Variants in SERGEF observed in about 807,000 individuals in gnomAD.
The protein encoded by SERGEF is secretion-regulating guanine nucleotide exchange factor.
Under a neutral mutation model 50.0 loss-of-function variants are expected in SERGEF, and 51 were observed. The ratio of observed to expected loss-of-function variants is 1.02; its 90% CI spans 0.81 to 1.29. SERGEF has a LOEUF of 1.29. SERGEF is among the 50% of genes most tolerant of loss of function. The pLI, the probability that SERGEF is intolerant of heterozygous loss-of-function variation, is 0.00. For synonymous variants in SERGEF, 205 were observed against 212.4 expected, an observed-to-expected ratio of 0.97 and a Z score of 0.30; for missense variants, 521 against 557.0, an observed-to-expected ratio of 0.94 and a Z score of 0.65.
At chr11:17,797,290 C>T (rs1307185404) in intron 10 of SERGEF, among the ~76,000 whole-genome samples, 1 of 152,230 alleles carries the variant, frequency 6.6e-6, no homozygotes, top group Non-Finnish European at 1.5e-5. Flanking sequence ...CCAGCTCCTT[C>T]TCTAACATCA....
chr11:17,827,974 G>A (rs545874893), intron 10 of SERGEF, among the ~76,000 whole-genome samples: 1 of 152,346 alleles, frequency 6.6e-6, no homozygotes, highest in African/African-American at 2.4e-5. Context: ...GACAAGCCTT[G>A]AGTGAAAAAG....
At chr11:17,917,398 G>C (rs1852069241) in intron 9 of SERGEF, among the ~76,000 whole-genome samples, 1 of 152,174 alleles carries the variant, frequency 6.6e-6, no homozygotes, top group Admixed American at 6.5e-5. Flanking sequence ...TGACACAATA[G>C]ACTTCAATGA....
intron 10 of SERGEF, among the ~76,000 whole-genome samples, chr11:17,789,904 G>C (rs1849451984): frequency 6.6e-6 from 1 of 152,202 alleles, no homozygotes; most frequent in South Asian, 2.1e-4. Context: ...AGAACCACCT[G>C]AACCTAGGAG....
At chr11:17,810,194 T>G (rs1849842172) in intron 10 of SERGEF, among the ~76,000 whole-genome samples, 1 of 152,178 alleles carries the variant, frequency 6.6e-6, no homozygotes, top group African/African-American at 2.4e-5. Context: ...CCCTGAGGAT[T>G]AGGGCCCTCA....
chr11:17,854,299 C>G (rs1321143949), intron 10 of SERGEF, among the ~76,000 whole-genome samples: 1 of 152,162 alleles, frequency 6.6e-6, no homozygotes, highest in African/African-American at 2.4e-5. Context: ...AACCTTCTAC[C>G]AAGTAGTCCT....
At chr11:17,793,269 A>T (rs1385615179) in intron 10 of SERGEF, among the ~76,000 whole-genome samples, 1 of 152,230 alleles carries the variant, frequency 6.6e-6, no homozygotes, top group Non-Finnish European at 1.5e-5. Flanking sequence ...AAGTAGAATG[A>T]TAGGAAGTTT....
At chr11:17,907,414 G>A (rs1008203005) in intron 9 of SERGEF, among the ~76,000 whole-genome samples, 3 of 152,120 alleles carry the variant, frequency 2.0e-5, no homozygotes, top group Middle Eastern at 3.2e-3. Flanking sequence ...TACCATGGAG[G>A]GGTCAGTTCT....
At chr11:17,860,272 A>G (rs994841314) in intron 10 of SERGEF, among the ~76,000 whole-genome samples, 18 of 152,220 alleles carry the variant, frequency 1.2e-4, no homozygotes, top group Admixed American at 9.8e-4. Context: ...AACTCCAGGA[A>G]AAGAAAAGTA....
intron 9 of SERGEF, among the ~76,000 whole-genome samples, chr11:17,891,252 T>A (rs192583856): frequency 2.7e-3 from 415 of 152,268 alleles, no homozygotes; most frequent in Non-Finnish European, 4.9e-3. Flanking sequence ...AAAAAAGTTG[T>A]AGAGATGCAG....
chr11:17,976,902 A>G (rs1001814898), intron 8 of SERGEF, among the ~76,000 whole-genome samples: 25 of 152,260 alleles, frequency 1.6e-4, no homozygotes, highest in Non-Finnish European at 5.9e-5. Flanking sequence ...GTCTCAAGGC[A>G]AGGCCTTGCA....
intron 9 of SERGEF, among the ~76,000 whole-genome samples, chr11:17,956,217 T>C (rs574784627): frequency 2.0e-5 from 3 of 152,294 alleles, no homozygotes; most frequent in South Asian, 2.1e-4. Flanking sequence ...AAGAAAAGAA[T>C]TGAAACACTT....
At chr11:17,958,918 G>C (rs541817396) in intron 9 of SERGEF, among the ~76,000 whole-genome samples, 16 of 152,004 alleles carry the variant, frequency 1.1e-4, no homozygotes, top group Admixed American at 2.0e-4. Context: ...CTCCAGGCTG[G>C]AGTGCAGTGG....
chr11:17,821,812 C>A (rs572673820), intron 10 of SERGEF, among the ~76,000 whole-genome samples: 1 of 152,210 alleles, frequency 6.6e-6, no homozygotes. Flanking sequence ...AAGAGAAGAG[C>A]TTCTCAGAGG....
intron 9 of SERGEF, among the ~76,000 whole-genome samples, chr11:17,900,503 A>T (rs1851729015): frequency 6.6e-6 from 1 of 152,200 alleles, no homozygotes; most frequent in Admixed American, 6.5e-5. Context: ...TTCCTATTTG[A>T]TATATGCTAA....
In SERGEF at chr11:17,987,526, A is replaced by G. The variant is rs923058276; in HGVS notation, c.844+1071T>C. Among the ~76,000 whole-genome samples, 4 of 152,244 alleles carry G rather than the reference A, an allele frequency of 2.6e-5. No homozygotes were observed. In the East Asian group the frequency reaches 7.7e-4, roughly 29 times the overall value. On this transcript the variant is annotated intron_variant, in intron 8 of 10. Coordinates refer to ENST00000265965, the MANE Select transcript of SERGEF (RefSeq NM_012139.4). ...GTGACGACCTTCCTCCTAATGAATGACACACTTTGCTTAGAGCATCCTCTA... is the reference window on the plus strand; with the variant it reads ...GTGACGACCTTCCTCCTAATGAATGGCACACTTTGCTTAGAGCATCCTCTA...
At position 17,988,641 on chromosome 11, in the gene SERGEF, A is replaced by T. The variant is rs992347751; in HGVS notation, c.800T>A (p.Val267Asp). 2 of 1,614,126 alleles carry T rather than the reference A, an allele frequency of 1.2e-6. No homozygotes were observed. The highest frequency in any genetic ancestry group is 2.2e-5 in the South Asian group (2 of 91,076). Reference protein sequence around the residue: ...IEAHCFQNEKVTAIWSGWTHL... With the variant: ...IEAHCFQNEKDTAIWSGWTHL... ...TGTCCATCCACTCCAGATGGCAGTG[A>T]CCTTTTCATTCTGGAAACAATGTGC... The change falls in exon 8 of 11, where the codon GTC becomes GAC. Residue 267 changes from valine (V) to aspartate (D), a missense_variant. By Grantham distance (152) the Val-to-Asp change is radical. Transcript: ENST00000265965.
chr11:17,940,522 T>A, intron 9 of SERGEF, among the ~76,000 whole-genome samples: 1 of 152,142 alleles, frequency 6.6e-6, no homozygotes, highest in East Asian at 1.9e-4. Context: ...AAGCCCTCAA[T>A]GTCAGTTTCC....
intron 2 of SERGEF, 53 bp from the exon 3 acceptor site, chr11:18,006,799 C>A: frequency 1.3e-6 from 2 of 1,568,412 alleles, no homozygotes; most frequent in Non-Finnish European, 1.7e-6. Context: ...AACACAACTG[C>A]AAAATGAACA....
At chr11:17,898,829 C>T (rs1462424599) in intron 9 of SERGEF, among the ~76,000 whole-genome samples, 1 of 152,134 alleles carries the variant, frequency 6.6e-6, no homozygotes, top group Non-Finnish European at 1.5e-5. Context: ...TCTGTGTCCC[C>T]ACCAAATCTC....
Sources: allele counts gnomAD v4.1 joint callset (sites outside exome capture counted in the v4.1 genomes callset), GRCh38; gene constraint gnomAD v4.1.1; transcripts MANE v1.5; gene names NCBI Gene and HGNC (gene_info 2026-07-23, HGNC 2026-07-21).